CEP131: variants seen among roughly 807,000 people sequenced by gnomAD.
The protein encoded by CEP131 is centrosomal protein 131.
In CEP131, 99 loss-of-function variants were observed where a neutral mutation model predicts 136.8. The observed-to-expected ratio is 0.72, with a 90% CI of 0.62 to 0.86. The LOEUF is 0.86. Ranked by LOEUF, CEP131 falls within the 40% of genes least tolerant of loss-of-function variation. The pLI, the probability that CEP131 is intolerant of heterozygous loss-of-function variation, is 0.00. For missense variants in CEP131, 1,459 were observed against 1,463.0 expected (o/e 1.00, Z 0.04); for synonymous variants, 646 against 612.7 (o/e 1.05, Z -0.80).
intron 5 of CEP131, among the ~76,000 whole-genome samples, chr17:81,204,491 T>C (rs1349794484): frequency 1.3e-5 from 2 of 152,002 alleles, no homozygotes; most frequent in Non-Finnish European, 2.9e-5. Context: ...AATGCCTTGC[T>C]CTCTGCACCA....
At chr17:81,207,498 T>C (rs544022696) in intron 3 of CEP131, among the ~76,000 whole-genome samples, 130 of 150,576 alleles carry the variant, frequency 8.6e-4, no homozygotes, top group African/African-American at 2.8e-3. Context: ...GCCTTATTTG[T>C]TTTTTCTTTT....
chr17:81,200,098 G>C, intron 8 of CEP131: 1 of 608,298 alleles, frequency 1.6e-6, no homozygotes, highest in South Asian at 2.0e-5. Context: ...AGACTCTCCA[G>C]CCTGGGATGG....
chr17:81,195,783 C>T lies in CEP131; in HGVS notation c.2016+52G>A, dbSNP rs576698721. The T allele has an allele frequency of 1.1e-5, 16 of 1,519,798 alleles. No individual in the cohort carries two copies. The African/African-American group carries it at 1.8e-4, about 17-fold the overall frequency. The allele number at this position is 1,519,798 out of a possible 1,614,324, so 94.1% of individuals were successfully genotyped here. ...GTTCTGGGGGCTGTGCCAGCTGAGC[C>T]TGGCCTGTGAGCCGGGCTTGGGACG... is the stretch of plus-strand genomic sequence containing the variant. On this transcript the variant is annotated intron_variant, in intron 16 of 25. Coordinates refer to ENST00000450824, the MANE Select transcript of CEP131 (RefSeq NM_014984.4).
intron 7 of CEP131, among the ~76,000 whole-genome samples, chr17:81,201,161 C>A (rs762441955): frequency 6.6e-6 from 1 of 152,194 alleles, no homozygotes; most frequent in African/African-American, 2.4e-5. Flanking sequence ...GAACCCAGAA[C>A]GTGTGAGCCC....
intron 2 of CEP131, among the ~76,000 whole-genome samples, chr17:81,212,771 C>G (rs2659003): frequency 0.92 from 140,622 of 152,158 alleles, 65,180 homozygotes; most frequent in Non-Finnish European, 0.96. Flanking sequence ...CAGCAAGCGT[C>G]GGGGGGGCGA....
Position 81,219,788 on chromosome 17 carries a change from T to G in CEP131, c.177+92A>C. ...GCATGTCCAGATGTGAGGCACTTGT[T>G]CACCTGTGGAGCTGGACCCAGGGGT... On this transcript the variant is annotated intron_variant, in intron 2 of 25. Transcript: ENST00000450824. This position sits in a 1 kb window ranked among gnomAD's most constrained non-coding sequence, Gnocchi z 4.0. 3.0e-6 allele frequency: 4 copies of G among 1,336,574 alleles called. No homozygotes were observed. The highest frequency in any genetic ancestry group is 4.0e-6 in the Non-Finnish European group (4 of 1,001,562). 82.8% of individuals were successfully genotyped at this position (1,336,574 alleles called of 1,614,324 possible).
In CEP131 at chr17:81,197,792, C is replaced by T. The variant is rs760337949; in HGVS notation, c.1567G>A (p.Glu523Lys). 6.2e-7 allele frequency: 1 copy of T among 1,613,186 alleles called. No homozygotes were observed. Among genetic ancestry groups the T allele is most frequent in the African/African-American group, 1.3e-5 (1 of 74,944 alleles). The change falls in exon 13 of 26, where the codon GAG becomes AAG. Residue 523 changes from glutamate (E) to lysine (K), a missense_variant. Physicochemically the swap from Glu to Lys is moderately conservative, Grantham distance 56. Around this residue, in one of 3 missense-constraint regions of CEP131, gnomAD observed 1,026 missense variants for 964.2 expected, o/e 1.06. Transcript: ENST00000450824. ...EPPEDGTLLS[E>K]AKLQSIMSFL... ...CTCATGATGCTTTGTAGCTTGGCCTCCGATAGCAGCGTCCCATCCTCAGGA... is the reference window on the plus strand; with the variant it reads ...CTCATGATGCTTTGTAGCTTGGCCTTCGATAGCAGCGTCCCATCCTCAGGA...
rs141485703 is a variant in CEP131, at chr17:81,208,747, G to A, written c.272+181C>T. 9.7e-3 allele frequency among the ~76,000 whole-genome samples: 1,470 copies of A among 152,274 alleles called. 18 individuals carry two copies. Among genetic ancestry groups the A allele is most frequent in the Middle Eastern group, 0.044 (13 of 294 alleles). ...TGCCTCAGGCCTCCCGCCCCAATGC[G>A]AGAGGAGGCCTGGGACACAAAGCTG... On this transcript the variant is annotated intron_variant, in intron 3 of 25. Coordinates refer to ENST00000450824, the MANE Select transcript of CEP131 (RefSeq NM_014984.4). The surrounding 1 kb of genome is among the most constrained non-coding windows in gnomAD (Gnocchi z 5.6).
rs1313288869 is a variant in CEP131, at chr17:81,203,361, A to G, written c.629+133T>C. 15 of 697,632 alleles carry G rather than the reference A, an allele frequency of 2.2e-5. No homozygotes were observed. The highest frequency in any genetic ancestry group is 3.1e-5 in the Non-Finnish European group (13 of 413,316). 43.2% of individuals were successfully genotyped at this position (697,632 alleles called of 1,614,324 possible). A position where few individuals can be genotyped will look rare whatever the true frequency, so the allele number is the denominator to read the frequency against. ...GTTGGACCCCATGCACACTGACCGC[A>G]TGCCCTGACCAAGGTAGAACCCTGT... is the stretch of plus-strand genomic sequence containing the variant. On this transcript the variant is annotated intron_variant, in intron 6 of 25. Transcript: ENST00000450824. The surrounding 1 kb of genome is among the most constrained non-coding windows in gnomAD (Gnocchi z 4.6).
intron 16 of CEP131, 46 bp downstream of exon 16, chr17:81,195,789 T>C: frequency 1.3e-6 from 2 of 1,536,426 alleles, no homozygotes; most frequent in Non-Finnish European, 1.8e-6. Flanking sequence ...GAGCCTGGCC[T>C]GTGAGCCGGG....
At chr17:81,193,360 G>A (rs2061685101) in intron 18 of CEP131, among the ~76,000 whole-genome samples, 1 of 152,228 alleles carries the variant, frequency 6.6e-6, no homozygotes, top group Non-Finnish European at 1.5e-5. Context: ...GCCACGACAG[G>A]CAACAGGGTG....
At position 81,203,643 on chromosome 17, in the gene CEP131, C is replaced by A; in HGVS notation, c.516-36G>T. ...GGAAGAGAGACAGGAATGGTCAGGC[C>A]TCTGGAGGGGACGCCTGAGATCTCA... On this transcript the variant is annotated intron_variant, in intron 5 of 25. Coordinates refer to ENST00000450824, the MANE Select transcript of CEP131 (RefSeq NM_014984.4). This position sits in a 1 kb window ranked among gnomAD's most constrained non-coding sequence, Gnocchi z 4.6. 1 of 1,513,578 alleles carries A rather than the reference C, an allele frequency of 6.6e-7. No individual in the cohort carries two copies. The highest frequency in any genetic ancestry group is 1.2e-5 in the South Asian group (1 of 83,890). The allele number at this position is 1,513,578 out of a possible 1,614,324, so 93.8% of individuals were successfully genotyped here.
intron 16 of CEP131, 83 bp downstream of exon 16, chr17:81,195,752 G>C (rs79578325): frequency 3.3e-6 from 4 of 1,224,028 alleles, no homozygotes; most frequent in African/African-American, 3.0e-5. Flanking sequence ...CTCCAAGTCC[G>C]GTCCTGTTCT....
intron 10 of CEP131, 21 bp downstream of exon 10, chr17:81,199,359 GC>G: frequency 6.3e-7 from 1 of 1,583,186 alleles, no homozygotes. Context: ...CCAGAGCAGG[GC>G]GGGCGTGGAG....
intron 5 of CEP131, among the ~76,000 whole-genome samples, chr17:81,205,204 A>G (rs1315642184): frequency 6.6e-6 from 1 of 151,252 alleles, no homozygotes; most frequent in Non-Finnish European, 1.5e-5. Context: ...GGTTGCGGTG[A>G]GCCGAGATCA....
At position 81,189,610 on chromosome 17, in the gene CEP131, C is replaced by T. The variant is rs1045335784; in HGVS notation, c.*159G>A. 2.7e-6 allele frequency: 2 copies of T among 734,750 alleles called. No individual in the cohort carries two copies. Among genetic ancestry groups the T allele is most frequent in the Non-Finnish European group, 4.4e-6 (2 of 450,182 alleles). The allele number at this position is 734,750 out of a possible 1,614,324, so 45.5% of individuals were successfully genotyped here. On this transcript the variant is annotated 3_prime_UTR_variant, in exon 26 of 26. Coordinates refer to ENST00000450824, the MANE Select transcript of CEP131 (RefSeq NM_014984.4). ...CACTCAAGGCGCTGAAAACAACGGC[C>T]TCCTTTACTGTTAAAATGCAGCCAC...
intron 7 of CEP131, among the ~76,000 whole-genome samples, chr17:81,200,693 C>G (rs1396256655): frequency 1.3e-5 from 2 of 152,218 alleles, no homozygotes; most frequent in Non-Finnish European, 2.9e-5. Flanking sequence ...AAACGCCTAC[C>G]CACGCAGGCC....
At position 81,194,947 on chromosome 17, in the gene CEP131, A is replaced by C. The variant is rs2061722118; in HGVS notation, c.2042T>G (p.Met681Arg). ...ELEIKKLKELMSATEKARREK... is the reference protein window; with the variant it reads ...ELEIKKLKELRSATEKARREK... ...CCGGCGGGCTTTCTCGGTGGCGCTC[A>C]TTAATTCTTTGAGTTTTTTAATCTC... The change falls in exon 17 of 26, where the codon ATG becomes AGG. Residue 681 changes from methionine to arginine, a missense_variant. Physicochemically the swap from Met to Arg is moderately conservative, Grantham distance 91 (BLOSUM62 -1). Around this residue, in one of 3 missense-constraint regions of CEP131, gnomAD observed 1,026 missense variants for 964.2 expected, o/e 1.06. Coordinates refer to ENST00000450824, the MANE Select transcript of CEP131 (RefSeq NM_014984.4). 6.3e-7 allele frequency: 1 copy of C among 1,588,808 alleles called. No homozygotes were observed. The highest frequency in any genetic ancestry group is 2.3e-5 in the East Asian group (1 of 43,968).
Position 81,192,757 on chromosome 17 carries a change from C to T in CEP131, c.2408G>A (p.Arg803Gln), listed in dbSNP as rs778185778. ...GCACCTGGCTGCCTGCTGGCCCAGC[C>T]GCTCCCTCTCCTCAGCCACCTCACT... is the stretch of plus-strand genomic sequence containing the variant. Reference protein sequence around the residue: ...LYSEVAEERERLGQQAARQRA... With the variant: ...LYSEVAEEREQLGQQAARQRA... The change falls in exon 19 of 26, where the codon CGG becomes CAG. Residue 803 changes from arginine to glutamine, a missense_variant. Physicochemically the swap from Arg to Gln is conservative, Grantham distance 43. Coordinates refer to ENST00000450824, the MANE Select transcript of CEP131 (RefSeq NM_014984.4). The T allele has an allele frequency of 2.5e-5, 40 of 1,588,708 alleles. No homozygotes were observed. Among genetic ancestry groups the T allele is most frequent in the African/African-American group, 9.4e-5 (7 of 74,650 alleles).
Sources: allele counts gnomAD v4.1 joint callset (sites outside exome capture counted in the v4.1 genomes callset), GRCh38; gene constraint gnomAD v4.1.1; regional missense constraint gnomAD v4.1.1; non-coding constraint Gnocchi (gnomAD v3.1); transcripts MANE v1.5; gene names NCBI Gene and HGNC (gene_info 2026-07-23, HGNC 2026-07-21).